Variants in PTPDC1 observed in about 807,000 individuals in gnomAD.
PTPDC1 encodes the protein protein tyrosine phosphatase domain-containing protein 1.
A neutral mutation model predicts 75.3 loss-of-function variants in PTPDC1; 53 were observed. The ratio of observed to expected loss-of-function variants is 0.70; its 90% CI spans 0.56 to 0.88. PTPDC1 has a LOEUF of 0.88. PTPDC1 is among the 40% of genes least tolerant of loss of function. The pLI is 0.00. For missense variants in PTPDC1, 925 were observed against 998.6 expected, an observed-to-expected ratio of 0.93 and a Z score of 0.99; for synonymous variants, 349 against 366.2, an observed-to-expected ratio of 0.95 and a Z score of 0.54.
intron 1 of PTPDC1, among the ~76,000 whole-genome samples, chr9:94,039,587 C>G (rs1825371173): frequency 6.6e-6 from 1 of 152,046 alleles, no homozygotes; most frequent in Admixed American, 6.6e-5. Context: ...AATTCAAGAC[C>G]AGCCTGGGCA....
chr9:94,091,512 A>G (rs1827318598), intron 4 of PTPDC1, among the ~76,000 whole-genome samples: 1 of 152,088 alleles, frequency 6.6e-6, no homozygotes, highest in Admixed American at 6.5e-5. Flanking sequence ...TTTTTGCATC[A>G]ATGTTCATCA....
chr9:94,092,362 A>G (rs1212768180), intron 4 of PTPDC1, among the ~76,000 whole-genome samples: 3 of 142,858 alleles, frequency 2.1e-5, no homozygotes, highest in Non-Finnish European at 3.0e-5. Flanking sequence ...ATTCAGGAGC[A>G]GGTTGTTCAG....
At chr9:94,037,645 T>A (rs1043664262) in intron 1 of PTPDC1, among the ~76,000 whole-genome samples, 2 of 152,158 alleles carry the variant, frequency 1.3e-5, no homozygotes, top group Non-Finnish European at 2.9e-5. Flanking sequence ...AATAAATTAC[T>A]GTACAGGATA....
chr9:94,038,521 G>C (rs968191365), intron 1 of PTPDC1, among the ~76,000 whole-genome samples: 2 of 152,208 alleles, frequency 1.3e-5, no homozygotes, highest in Non-Finnish European at 2.9e-5. Flanking sequence ...AATATGTTCA[G>C]TGTTTGAATT....
At chr9:94,063,762 A>G (rs1011518147) in intron 1 of PTPDC1, among the ~76,000 whole-genome samples, 3 of 152,190 alleles carry the variant, frequency 2.0e-5, no homozygotes, top group African/African-American at 7.2e-5. Context: ...AAAAATATTA[A>G]TTAGGGCTGG....
intron 1 of PTPDC1, among the ~76,000 whole-genome samples, chr9:94,055,570 A>G (rs998614948): frequency 1.3e-5 from 2 of 152,238 alleles, no homozygotes; most frequent in African/African-American, 4.8e-5. Flanking sequence ...TTAAATGAAC[A>G]TTGTCCAGTG....
chr9:94,034,540 C>A (rs779730935), intron 1 of PTPDC1, among the ~76,000 whole-genome samples: 21 of 151,992 alleles, frequency 1.4e-4, no homozygotes, highest in South Asian at 4.1e-4. Flanking sequence ...TCAGAAAAAA[C>A]CAAACAAACA....
intron 2 of PTPDC1, among the ~76,000 whole-genome samples, chr9:94,072,672 A>G (rs536336102): frequency 2.8e-4 from 42 of 152,320 alleles, no homozygotes; most frequent in African/African-American, 1.0e-3. Flanking sequence ...CAAGTTTTCC[A>G]TAACAAGTTG....
intron 1 of PTPDC1, among the ~76,000 whole-genome samples, chr9:94,055,441 A>T (rs930001141): frequency 6.6e-6 from 1 of 152,254 alleles, no homozygotes; most frequent in Admixed American, 6.5e-5. Flanking sequence ...CTTGGAAGCA[A>T]CCAAGATGTG....
intron 2 of PTPDC1, among the ~76,000 whole-genome samples, chr9:94,068,375 A>G (rs1181969935): frequency 6.6e-6 from 1 of 152,158 alleles, no homozygotes; most frequent in Non-Finnish European, 1.5e-5. Flanking sequence ...TTATGACCTT[A>G]ACATTTTTTA....
At chr9:94,067,581 A>G (rs1480409472) in intron 2 of PTPDC1, among the ~76,000 whole-genome samples, 1 of 152,106 alleles carries the variant, frequency 6.6e-6, no homozygotes, top group African/African-American at 2.4e-5. Flanking sequence ...TTGGGATCCA[A>G]AAAAAGTCAA....
At chr9:94,105,972 CAA>C (rs1175784474) in intron 8 of PTPDC1, among the ~76,000 whole-genome samples, 2 of 130,338 alleles carry the variant, frequency 1.5e-5, no homozygotes, top group African/African-American at 2.9e-5. Flanking sequence ...GACTCCATCT[CAA>C]AAAAAAAAAA....
At chr9:94,039,830 A>G (rs1825378949) in intron 1 of PTPDC1, among the ~76,000 whole-genome samples, 1 of 152,204 alleles carries the variant, frequency 6.6e-6, no homozygotes, top group South Asian at 2.1e-4. Context: ...TAGTTTACTA[A>G]TCTGTCTCTT....
chr9:94,077,898 G>C (rs1490301746), intron 2 of PTPDC1, among the ~76,000 whole-genome samples: 2 of 152,126 alleles, frequency 1.3e-5, no homozygotes, highest in East Asian at 3.9e-4. Flanking sequence ...CATACAAAAA[G>C]ATATCACCTT....
chr9:94,083,381 T>C (rs1826955244), upstream of PTPDC1, among the ~76,000 whole-genome samples: 1 of 152,118 alleles, frequency 6.6e-6, no homozygotes, highest in Admixed American at 6.5e-5. Flanking sequence ...CCCTGTCTTA[T>C]TCGACAAAAG....
chr9:94,044,153 T>G lies in PTPDC1; in HGVS notation c.-7+13026T>G, dbSNP rs1261789574. ...CTCTTCTAGCACCTTTCCCTTTTCA[T>G]ATAAATTTTAGAATAAGCTTGTATA... On this transcript the variant is annotated intron_variant, in intron 1 of 9. Transcript: ENST00000375360. Among the ~76,000 whole-genome samples, 8 of 152,208 alleles carry G rather than the reference T, an allele frequency of 5.3e-5. No individual in the cohort carries two copies. The South Asian group carries it at 1.2e-3, about 24-fold the overall frequency.
chr9:94,087,963 T>C, intron 3 of PTPDC1, 52 bp downstream of exon 3: 1 of 1,528,298 alleles, frequency 6.5e-7, no homozygotes. Context: ...TGTTTTTTTC[T>C]TTCATTGCCT....
chr9:94,076,433 T>C (rs1231133194), intron 2 of PTPDC1, among the ~76,000 whole-genome samples: 1 of 152,218 alleles, frequency 6.6e-6, no homozygotes, highest in Non-Finnish European at 1.5e-5. Flanking sequence ...AATGGAACCA[T>C]ATAAATATGT....
chr9:94,107,007 G>A (rs1433819459), intron 8 of PTPDC1, among the ~76,000 whole-genome samples: 1 of 152,200 alleles, frequency 6.6e-6, no homozygotes, highest in Non-Finnish European at 1.5e-5. Context: ...AGTCTGGAGT[G>A]CAGTGGCACA....
Sources: gnomAD v4.1 joint callset for allele counts (sites outside exome capture counted in the v4.1 genomes callset) on GRCh38, gnomAD v4.1.1 for gene constraint, MANE v1.5 for transcripts, NCBI Gene and HGNC (gene_info 2026-07-23, HGNC 2026-07-21) for gene names.